RTL4: variants seen among roughly 807,000 people sequenced by gnomAD.
RTL4 encodes retrotransposon Gag-like protein 4.
RTL4 carries 4 observed loss-of-function variants against 5.3 expected under a neutral mutation model. The ratio of observed to expected loss-of-function variants is 0.75; its 90% confidence interval spans 0.37 to 1.72. The LOEUF (loss-of-function observed/expected upper bound fraction) is 1.72, where lower values mean the gene tolerates loss of function less well. Ranked by LOEUF, RTL4 falls within the 40% of genes most tolerant of loss-of-function variation. The pLI is 0.04. For missense variants in RTL4, 260 were observed against 227.1 expected, an observed-to-expected ratio of 1.14 and a Z score of -0.93; for synonymous variants, 98 against 87.3, an observed-to-expected ratio of 1.12 and a Z score of -0.68.
chrX:112,318,119 G>C, the RTL4 span, among the ~76,000 whole-genome samples: 253 of 111,540 alleles, frequency 2.3e-3, 1 homozygote, highest in African/African-American at 8.0e-3. Flanking sequence ...ATACCTTTTG[G>C]ACTTCTGTTC....
At chrX:112,317,899 A>G in the RTL4 span, among the ~76,000 whole-genome samples, 5 of 111,812 alleles carry the variant, frequency 4.5e-5, no homozygotes, top group African/African-American at 1.6e-4. Flanking sequence ...TCAGAGCTTC[A>G]ATAGCATCCA....
At chrX:112,189,193 A>G in the RTL4 span, among the ~76,000 whole-genome samples, 1 of 110,957 alleles carries the variant, frequency 9.0e-6, no homozygotes, top group Admixed American at 9.6e-5. Flanking sequence ...CAGGAGCTAG[A>G]GACCAGCCTG....
the RTL4 span, among the ~76,000 whole-genome samples, chrX:112,255,520 G>A: frequency 2.2e-4 from 24 of 111,410 alleles, no homozygotes; most frequent in Non-Finnish European, 4.0e-4. Flanking sequence ...TTCCTTGCAG[G>A]ACTGCTGCGA....
chrX:112,306,196 C>T, the RTL4 span, among the ~76,000 whole-genome samples: 1 of 111,059 alleles, frequency 9.0e-6, no homozygotes, highest in Non-Finnish European at 1.9e-5. Flanking sequence ...TATATCTCGC[C>T]CCACCCAGAA....
the RTL4 span, among the ~76,000 whole-genome samples, chrX:112,191,000 TATG>T: frequency 4.2e-3 from 477 of 112,569 alleles, 2 homozygotes; most frequent in African/African-American, 0.014. Context: ...AATGGACTGA[TATG>T]ATTATCTGGA....
At chrX:112,176,279 C>T in the RTL4 span, among the ~76,000 whole-genome samples, 4 of 111,993 alleles carry the variant, frequency 3.6e-5, no homozygotes, top group African/African-American at 6.5e-5. Context: ...GAATCAATAT[C>T]GTGAAAATGG....
chrX:112,246,517 C>T, the RTL4 span, among the ~76,000 whole-genome samples: 66 of 112,200 alleles, frequency 5.9e-4, no homozygotes, highest in Admixed American at 3.1e-3. Flanking sequence ...GTGTGGCACC[C>T]GCTGAGCCAG....
chrX:112,195,162 G>T, the RTL4 span, among the ~76,000 whole-genome samples: 6 of 111,715 alleles, frequency 5.4e-5, no homozygotes, highest in East Asian at 1.4e-3. Flanking sequence ...ACTTTGTCCT[G>T]CAGGAAGTAC....
chrX:112,456,801 A>G (rs1230451150), exon 1 of RTL4: 2 of 126,406 alleles, frequency 1.6e-5, no homozygotes, highest in Admixed American at 9.4e-5. Context: ...TTCCTACACT[A>G]TCTCATCTGA....
At chrX:112,338,935 C>T in the RTL4 span, among the ~76,000 whole-genome samples, 2 of 111,744 alleles carry the variant, frequency 1.8e-5, no homozygotes, top group Non-Finnish European at 3.8e-5. Context: ...GTCATGATTG[C>T]ATATAATTAT....
chrX:112,345,181 G>T, the RTL4 span, among the ~76,000 whole-genome samples: 1 of 111,219 alleles, frequency 9.0e-6, no homozygotes, highest in African/African-American at 3.3e-5. Context: ...TATGTCCGTT[G>T]TGGGCTGTTG....
chrX:112,272,638 T>C, the RTL4 span, among the ~76,000 whole-genome samples: 69 of 111,964 alleles, frequency 6.2e-4, no homozygotes, highest in African/African-American at 2.2e-3. Context: ...TTATATCCTT[T>C]TTACTTAACA....
the RTL4 span, among the ~76,000 whole-genome samples, chrX:112,323,344 T>A: frequency 1.8e-5 from 2 of 112,014 alleles, no homozygotes; most frequent in Non-Finnish European, 3.8e-5. Context: ...TGTTTGTCAA[T>A]TTTCTTTCGC....
the RTL4 span, among the ~76,000 whole-genome samples, chrX:112,182,305 C>A: frequency 2.7e-5 from 3 of 111,645 alleles, no homozygotes; most frequent in African/African-American, 6.5e-5. Context: ...TCCTTACAAG[C>A]AAGGGAACAA....
chrX:112,269,524 G>A, the RTL4 span, among the ~76,000 whole-genome samples: 2 of 111,266 alleles, frequency 1.8e-5, no homozygotes, highest in Non-Finnish European at 3.8e-5. Flanking sequence ...TTATAAAATG[G>A]ACCAAACTCT....
At chrX:112,311,736 C>G in the RTL4 span, among the ~76,000 whole-genome samples, 1 of 111,236 alleles carries the variant, frequency 9.0e-6, no homozygotes, top group African/African-American at 3.3e-5. Flanking sequence ...TGTAGGTGCT[C>G]TGGCCTGCCT....
chrX:112,306,765 G>A, the RTL4 span, among the ~76,000 whole-genome samples: 1 of 111,522 alleles, frequency 9.0e-6, no homozygotes, highest in African/African-American at 3.3e-5. Context: ...GCTACCCAAA[G>A]TCTTCCCACA....
the RTL4 span, among the ~76,000 whole-genome samples, chrX:112,281,565 CACAGTTTTCCA>C: frequency 9.0e-6 from 1 of 111,159 alleles, no homozygotes; most frequent in African/African-American, 3.3e-5. Context: ...GGAACCTCCA[CACAGTTTTCCA>C]AAATGACTCT....
At chrX:112,092,474 T>G in the RTL4 span, among the ~76,000 whole-genome samples, 1 of 111,740 alleles carries the variant, frequency 8.9e-6, no homozygotes, top group Non-Finnish European at 1.9e-5. Context: ...GACATGCAAA[T>G]CTGCCTCTCA....
Sources: gnomAD v4.1 joint callset for allele counts (sites outside exome capture counted in the v4.1 genomes callset) on GRCh38, gnomAD v4.1.1 for gene constraint, MANE v1.5 for transcripts, NCBI Gene and HGNC (gene_info 2026-07-23, HGNC 2026-07-21) for gene names.